NOL4: variants seen among roughly 807,000 people sequenced by gnomAD.
NOL4 encodes nucleolar protein 4, also known as cancer/testis antigen 125.
In NOL4, 17 loss-of-function variants were observed where a neutral mutation model predicts 75.9. The ratio of observed to expected loss-of-function variants is 0.22; its 90% confidence interval spans 0.15 to 0.34. The LOEUF is 0.34. NOL4 is among the 10% of genes least tolerant of loss of function. NOL4 has a pLI of 1.00. For missense variants in NOL4, 614 were observed against 793.5 expected, an observed-to-expected ratio of 0.77 and a Z score of 2.72; for synonymous variants, 292 against 289.9, an observed-to-expected ratio of 1.01 and a Z score of -0.07.
chr18:34,080,311 T>A (rs1038270717), intron 5 of NOL4, among the ~76,000 whole-genome samples: 1 of 152,168 alleles, frequency 6.6e-6, no homozygotes, highest in African/African-American at 2.4e-5. Context: ...GCCTCACCCC[T>A]GCAACCAGAT....
At chr18:34,215,915 A>T (rs186811724) in intron 1 of NOL4, among the ~76,000 whole-genome samples, 1 of 152,340 alleles carries the variant, frequency 6.6e-6, no homozygotes, top group East Asian at 1.9e-4. Flanking sequence ...TTAAGCATTC[A>T]TGGCATATAT....
chr18:34,139,494 G>A (rs1568384818), intron 1 of NOL4, among the ~76,000 whole-genome samples: 1 of 152,142 alleles, frequency 6.6e-6, no homozygotes, highest in Admixed American at 6.6e-5. Context: ...TCTGATGGTA[G>A]TTTGTATTTC....
chr18:33,919,680 C>T (rs1225275516), intron 9 of NOL4, among the ~76,000 whole-genome samples: 2 of 152,182 alleles, frequency 1.3e-5, no homozygotes, highest in South Asian at 4.1e-4. Context: ...TCCTTAGTAA[C>T]TGGCTTCTTC....
chr18:33,864,687 C>T (rs570385516), intron 10 of NOL4, among the ~76,000 whole-genome samples: 125 of 152,224 alleles, frequency 8.2e-4, no homozygotes, highest in African/African-American at 2.6e-3. Flanking sequence ...AGCAGTTTCC[C>T]CCTGTCTATG....
intron 3 of NOL4, 22 bp from the exon 4 acceptor site, chr18:34,104,181 G>A (rs768682561): frequency 1.4e-6 from 2 of 1,407,812 alleles, no homozygotes; most frequent in Admixed American, 3.4e-5. Flanking sequence ...CATTTTTAAT[G>A]GGTAATGAAA....
intron 5 of NOL4, among the ~76,000 whole-genome samples, chr18:34,030,899 T>C (rs1372547405): frequency 6.7e-6 from 1 of 150,330 alleles, no homozygotes; most frequent in East Asian, 2.0e-4. Context: ...CTTAAATTGA[T>C]AAAGTTTTTC....
At chr18:34,096,681 T>A (rs1352899293) in intron 4 of NOL4, among the ~76,000 whole-genome samples, 3 of 152,160 alleles carry the variant, frequency 2.0e-5, no homozygotes, top group Non-Finnish European at 4.4e-5. Context: ...GTGAGCTTAT[T>A]TCTTACATGA....
intron 5 of NOL4, among the ~76,000 whole-genome samples, chr18:34,066,007 T>C (rs1188333604): frequency 6.6e-6 from 1 of 151,964 alleles, no homozygotes; most frequent in South Asian, 2.1e-4. Flanking sequence ...TTTCAAAATA[T>C]AACCCTTACG....
chr18:33,867,329 A>G (rs2063481738), intron 10 of NOL4, among the ~76,000 whole-genome samples: 1 of 152,070 alleles, frequency 6.6e-6, no homozygotes, highest in African/African-American at 2.4e-5. Flanking sequence ...AATTTTTACT[A>G]TTTTCTTGAG....
intron 1 of NOL4, among the ~76,000 whole-genome samples, chr18:34,208,095 AG>A (rs2036249953): frequency 6.6e-6 from 1 of 152,186 alleles, no homozygotes; most frequent in Non-Finnish European, 1.5e-5. Context: ...TTCATGACTG[AG>A]GCTGCCCTTA....
intron 1 of NOL4, among the ~76,000 whole-genome samples, chr18:34,165,907 T>G (rs912244082): frequency 3.3e-5 from 5 of 152,030 alleles, no homozygotes; most frequent in African/African-American, 1.2e-4. Flanking sequence ...TTCTTTATTT[T>G]AATCTATTAT....
At chr18:34,186,440 T>C (rs977206803) in intron 1 of NOL4, among the ~76,000 whole-genome samples, 1 of 152,212 alleles carries the variant, frequency 6.6e-6, no homozygotes, top group Non-Finnish European at 1.5e-5. Context: ...TGTGTTATCC[T>C]ACCTGTAAGC....
chr18:34,158,000 C>A (rs1457112041), intron 1 of NOL4, among the ~76,000 whole-genome samples: 1 of 152,036 alleles, frequency 6.6e-6, no homozygotes, highest in Non-Finnish European at 1.5e-5. Context: ...TTAAGTATCC[C>A]ACCTATCAGC....
intron 9 of NOL4, among the ~76,000 whole-genome samples, chr18:33,893,756 A>G (rs930395437): frequency 1.3e-5 from 2 of 152,100 alleles, no homozygotes; most frequent in Non-Finnish European, 2.9e-5. Context: ...TTTTTATAGC[A>G]CTTTGAAGTG....
chr18:34,088,596 T>C (rs1404653739), intron 5 of NOL4, among the ~76,000 whole-genome samples: 1 of 152,080 alleles, frequency 6.6e-6, no homozygotes, highest in African/African-American at 2.4e-5. Context: ...TCATAATAAG[T>C]CCCTTATATT....
intron 9 of NOL4, among the ~76,000 whole-genome samples, chr18:33,918,918 T>G (rs1340901132): frequency 2.0e-5 from 3 of 152,156 alleles, no homozygotes; most frequent in Non-Finnish European, 4.4e-5. Flanking sequence ...TTTTGCCACT[T>G]ACTACCCTAT....
intron 10 of NOL4, among the ~76,000 whole-genome samples, chr18:33,877,059 C>T (rs2144584068): frequency 6.6e-6 from 1 of 152,124 alleles, no homozygotes; most frequent in East Asian, 1.9e-4. Flanking sequence ...AATTCAGCTA[C>T]ACTCAGCCCA....
intron 5 of NOL4, among the ~76,000 whole-genome samples, chr18:34,093,117 T>G (rs1360541648): frequency 6.6e-6 from 1 of 152,164 alleles, no homozygotes; most frequent in African/African-American, 2.4e-5. Context: ...AATGCTTAAT[T>G]TAGTCGGAAG....
chr18:34,150,131 C>A (rs1451128043), intron 1 of NOL4, among the ~76,000 whole-genome samples: 1 of 151,376 alleles, frequency 6.6e-6, no homozygotes, highest in Non-Finnish European at 1.5e-5. Flanking sequence ...TTGAATTTTG[C>A]CCAGAATTTA....
Sources: gnomAD v4.1 joint callset for allele counts (sites outside exome capture counted in the v4.1 genomes callset) on GRCh38, gnomAD v4.1.1 for gene constraint, MANE v1.5 for transcripts, NCBI Gene and HGNC (gene_info 2026-07-23, HGNC 2026-07-21) for gene names.